The following MACROD2 variants were observed in gnomAD, a reference collection of about 807,000 sequenced individuals.
MACROD2 encodes ADP-ribose glycohydrolase MACROD2.
A neutral mutation model predicts 70.4 loss-of-function variants in MACROD2; 36 were observed. That is an observed-to-expected ratio of 0.51 (90% CI 0.39 to 0.68). MACROD2 has a LOEUF of 0.68. MACROD2 is among the 30% of genes least tolerant of loss of function. The probability of loss-of-function intolerance (pLI) is 0.00; values close to 1 mark genes in which losing one functional copy is unlikely to be tolerated. For synonymous variants in MACROD2, 172 were observed against 178.8 expected (o/e 0.96, Z 0.30); for missense variants, 496 against 538.4 (o/e 0.92, Z 0.78).
chr20:14,851,397 C>T (rs2073198128), intron 5 of MACROD2, among the ~76,000 whole-genome samples: 1 of 152,140 alleles, frequency 6.6e-6, no homozygotes, highest in Non-Finnish European at 1.5e-5. Context: ...TCAAGAGCAT[C>T]AGGAAGATTT....
intron 5 of MACROD2, among the ~76,000 whole-genome samples, chr20:15,133,123 T>G (rs569405952): frequency 6.6e-6 from 1 of 152,158 alleles, no homozygotes; most frequent in Admixed American, 6.5e-5. Context: ...CTAAATGTAC[T>G]TAGAATCTTG....
intron 5 of MACROD2, among the ~76,000 whole-genome samples, chr20:14,822,358 T>C (rs2072855626): frequency 6.7e-6 from 1 of 150,104 alleles, no homozygotes; most frequent in South Asian, 2.1e-4. Flanking sequence ...CTGAACCTTT[T>C]AAACCTTGTG....
intron 4 of MACROD2, among the ~76,000 whole-genome samples, chr20:14,607,801 C>T (rs1982901775): frequency 6.6e-6 from 1 of 152,038 alleles, no homozygotes; most frequent in Non-Finnish European, 1.5e-5. Flanking sequence ...CGTTTTGTCT[C>T]TGAATTGAGA....
chr20:14,627,716 G>A (rs1984264526), intron 4 of MACROD2, among the ~76,000 whole-genome samples: 2 of 152,154 alleles, frequency 1.3e-5, no homozygotes, highest in South Asian at 4.1e-4. Flanking sequence ...CACCCCCTTT[G>A]TGTGTTTTGA....
intron 8 of MACROD2, among the ~76,000 whole-genome samples, chr20:15,703,500 T>G (rs1414135648): frequency 6.6e-6 from 1 of 152,222 alleles, no homozygotes; most frequent in Non-Finnish European, 1.5e-5. Flanking sequence ...GCCACACTGA[T>G]TGACTCACCA....
At chr20:14,110,024 T>C (rs1188933978) in intron 3 of MACROD2, among the ~76,000 whole-genome samples, 3 of 151,890 alleles carry the variant, frequency 2.0e-5, no homozygotes. Context: ...AAAAACCATT[T>C]ATCATGACCA....
chr20:15,378,149 AAAAGAAG>A (rs1469263893), intron 6 of MACROD2, among the ~76,000 whole-genome samples: 12 of 101,100 alleles, frequency 1.2e-4, no homozygotes, highest in Admixed American at 1.7e-4. Context: ...AGAAAAAAAT[AAAAGAAG>A]AGAGAGAGAG....
At chr20:14,293,949 G>T (rs778644128) in intron 3 of MACROD2, among the ~76,000 whole-genome samples, 2 of 151,712 alleles carry the variant, frequency 1.3e-5, no homozygotes, top group Admixed American at 6.6e-5. Context: ...TTCAAAAATG[G>T]TGAATGAATA....
At chr20:14,916,184 G>T (rs374503497) in intron 5 of MACROD2, among the ~76,000 whole-genome samples, 42 of 152,106 alleles carry the variant, frequency 2.8e-4, no homozygotes, top group African/African-American at 8.0e-4. Flanking sequence ...ATCATGAAAC[G>T]CAGAGCTGTT....
chr20:14,363,577 T>C (rs2083243332), intron 3 of MACROD2, among the ~76,000 whole-genome samples: 1 of 151,732 alleles, frequency 6.6e-6, no homozygotes, highest in African/African-American at 2.4e-5. Context: ...TCCCAGCACT[T>C]TGGGAGGCCG....
rs527314911 is a variant in MACROD2 at position 15,487,860 on chromosome 20, G to A, written c.572-11914G>A. Among the ~76,000 whole-genome samples the A allele has an allele frequency of 2.0e-5, 3 of 152,270 alleles. No homozygotes were observed. In the East Asian group the frequency reaches 5.8e-4, roughly 29 times the overall value. On this transcript the variant is annotated intron_variant, in intron 7 of 17. Coordinates refer to ENST00000684519, the MANE Select transcript of MACROD2 (RefSeq NM_001351661.2). ...AAGCCAATAGTCAGGGGATTTGAGG[G>A]CTATCTTTCTTTCTTCTACACTAAG...
At chr20:14,682,839 A>G (rs1359273038) in intron 4 of MACROD2, among the ~76,000 whole-genome samples, 1 of 152,212 alleles carries the variant, frequency 6.6e-6, no homozygotes, top group African/African-American at 2.4e-5. Context: ...TTTTAACAAA[A>G]TATATTAATG....
intron 3 of MACROD2, among the ~76,000 whole-genome samples, chr20:14,362,792 A>G (rs1313484526): frequency 6.6e-6 from 1 of 152,196 alleles, no homozygotes; most frequent in East Asian, 1.9e-4. Context: ...GGGGAAAAAA[A>G]GATATGTAAA....
At chr20:14,344,843 T>C (rs181925824) in intron 3 of MACROD2, among the ~76,000 whole-genome samples, 12 of 152,340 alleles carry the variant, frequency 7.9e-5, no homozygotes, top group Admixed American at 7.8e-4. Flanking sequence ...TTCTCATGTG[T>C]ACATAGAAGC....
At chr20:14,437,068 A>G (rs1220906993) in intron 3 of MACROD2, among the ~76,000 whole-genome samples, 1 of 152,218 alleles carries the variant, frequency 6.6e-6, no homozygotes. Context: ...GCAGCTTAAT[A>G]AATAGAAAGT....
chr20:14,206,462 G>C (rs911739026), intron 3 of MACROD2, among the ~76,000 whole-genome samples: 5 of 152,190 alleles, frequency 3.3e-5, no homozygotes, highest in Non-Finnish European at 7.3e-5. Flanking sequence ...TGAGCATCAA[G>C]CTTGGACCAC....
chr20:15,065,271 A>G (rs1162021958), intron 5 of MACROD2, among the ~76,000 whole-genome samples: 1 of 152,186 alleles, frequency 6.6e-6, no homozygotes, highest in African/African-American at 2.4e-5. Flanking sequence ...CCATTATTTC[A>G]GATAGACTGG....
chr20:15,889,331 C>T (rs896094136), intron 10 of MACROD2, among the ~76,000 whole-genome samples: 7 of 152,138 alleles, frequency 4.6e-5, no homozygotes, highest in Admixed American at 2.0e-4. Context: ...GTGCCAATAA[C>T]GTGACATGCA....
intron 3 of MACROD2, among the ~76,000 whole-genome samples, chr20:14,185,136 G>C (rs1455986167): frequency 6.6e-6 from 1 of 152,086 alleles, no homozygotes; most frequent in African/African-American, 2.4e-5. Context: ...TCAATTCAAT[G>C]CATTGTAGTA....
Sources: gnomAD v4.1 joint callset for allele counts (sites outside exome capture counted in the v4.1 genomes callset) on GRCh38, gnomAD v4.1.1 for gene constraint, MANE v1.5 for transcripts, NCBI Gene and HGNC (gene_info 2026-07-23, HGNC 2026-07-21) for gene names.